RB1: variants seen among roughly 807,000 people sequenced by gnomAD.
RB1 encodes RB transcriptional corepressor 1.
Under a neutral mutation model 135.4 loss-of-function variants are expected in RB1, and 18 were observed. The observed-to-expected ratio is 0.13, with a 90% confidence interval of 0.09 to 0.20. The LOEUF is 0.20. RB1 is among the 10% of genes least tolerant of loss of function. The probability of loss-of-function intolerance (pLI) is 1.00; values close to 1 mark genes in which losing one functional copy is unlikely to be tolerated. For synonymous variants in RB1, 365 were observed against 373.2 expected (o/e 0.98, Z 0.25); for missense variants, 868 against 1,110.0 (o/e 0.78, Z 3.10).
In RB1 at chr13:48,360,067, C is replaced by T. The variant is rs367960214; in HGVS notation, c.658C>T (p.Leu220=). The change falls in exon 7 of 27, where the codon CTA becomes TTA. Residue 220 remains leucine (L), a synonymous_variant. Transcript: ENST00000267163. ...DDLVISFQLM[L]CVLDYFIKLS... is the part of the protein sequence containing the mutation. ...TCTGGTGATTTCATTTCAGTTAATG[C>T]TATGTGTCCTTGACTATTTTATTAA... The T allele has an allele frequency of 1.9e-5, 31 of 1,612,320 alleles. No individual in the cohort carries two copies. The highest frequency in any genetic ancestry group is 2.5e-5 in the Non-Finnish European group (30 of 1,179,208).
Position 48,465,280 on chromosome 13 carries a change from G to A in RB1, c.2401G>A (p.Gly801Arg), listed in dbSNP as rs2138345814. The A allele has an allele frequency of 7.4e-6, 12 of 1,612,138 alleles. No individual in the cohort carries two copies. The highest frequency in any genetic ancestry group is 1.3e-5 in the African/African-American group (1 of 74,956). ...TCCTAGTTCACCCTTACGGATTCCTGGAGGGAACATCTATATTTCACCCCT... is the reference window on the plus strand; with the variant it reads ...TCCTAGTTCACCCTTACGGATTCCTAGAGGGAACATCTATATTTCACCCCT... ...KFPSSPLRIPGGNIYISPLKS... is the reference protein window; with the variant it reads ...KFPSSPLRIPRGNIYISPLKS... Residue 801 changes from glycine to arginine, a missense_variant, in exon 23 of 27, where the codon GGA becomes AGA. Coordinates refer to ENST00000267163, the MANE Select transcript of RB1 (RefSeq NM_000321.3).
At chr13:48,338,570 G>C (rs992947860) in intron 2 of RB1, among the ~76,000 whole-genome samples, 3 of 152,030 alleles carry the variant, frequency 2.0e-5, no homozygotes, top group Non-Finnish European at 2.9e-5. Context: ...TATTCTAGTT[G>C]GCCAGTTGTC....
In RB1 at chr13:48,362,852, A is replaced by G. The variant is rs1469535414; in HGVS notation, c.756A>G (p.Thr252=). ...TACCCATTAATGGTTCACCTCGAAC[A>G]CCCAGGCGAGGTCAGAACAGGAGTG... is the stretch of plus-strand genomic sequence containing the variant. ...AVIPINGSPR[T]PRRGQNRSAR... The change falls in exon 8 of 27, where the codon ACA becomes ACG. Residue 252 remains threonine, a synonymous_variant. Transcript: ENST00000267163. 1 of 1,613,912 alleles carries G rather than the reference A, an allele frequency of 6.2e-7. No individual in the cohort carries two copies. Among genetic ancestry groups the G allele is most frequent in the Admixed American group, 1.7e-5 (1 of 60,016 alleles).
In RB1 at chr13:48,385,011, G is replaced by T. The variant is rs147709409; in HGVS notation, c.1695+3568G>T. Among the ~76,000 whole-genome samples, 206 of 152,272 alleles carry T rather than the reference G, an allele frequency of 1.4e-3. 1 individual carries two copies. Among genetic ancestry groups the T allele is most frequent in the African/African-American group, 4.8e-3 (199 of 41,552 alleles). ...TTGGCCCTATTAAATCTGTTAAGAG[G>T]TTTATAATGCCAGCAGGTGATGAAA... On this transcript the variant is annotated intron_variant, in intron 17 of 26. Transcript: ENST00000267163.
chr13:48,363,302 GCTCT>G (rs1952660870), intron 8 of RB1, among the ~76,000 whole-genome samples: 1 of 151,848 alleles, frequency 6.6e-6, no homozygotes. Context: ...TGTAATCCCA[GCTCT>G]TTGGGAGGCC....
At chr13:48,313,450 G>A (rs1198517769) in intron 2 of RB1, among the ~76,000 whole-genome samples, 2 of 150,606 alleles carry the variant, frequency 1.3e-5, no homozygotes, top group Admixed American at 1.3e-4. Context: ...CTAACCCAAG[G>A]TCATGAAGAC....
At chr13:48,381,513 T>G (rs145624377) in intron 17 of RB1, 70 bp downstream of exon 17, 2 of 1,428,588 alleles carry the variant, frequency 1.4e-6, no homozygotes, top group South Asian at 2.4e-5. Flanking sequence ...TAGTGAGAGG[T>G]GTTTCTTAAC....
chr13:48,328,126 A>G (rs2138065103), intron 2 of RB1: 1 of 1,068,316 alleles, frequency 9.4e-7, no homozygotes, highest in Middle Eastern at 2.0e-4. Flanking sequence ...TTTATATTCC[A>G]CTCCCATAGC....
intron 6 of RB1, among the ~76,000 whole-genome samples, chr13:48,354,570 A>G (rs1481248003): frequency 6.6e-6 from 1 of 152,198 alleles, no homozygotes; most frequent in South Asian, 2.1e-4. Flanking sequence ...TCTTCACAGA[A>G]ATAGAAAAAA....
chr13:48,459,579 A>T, intron 19 of RB1, 109 bp from the exon 20 acceptor site: 1 of 1,157,966 alleles, frequency 8.6e-7, no homozygotes, highest in Non-Finnish European at 1.3e-6. Flanking sequence ...GGTTTCTGTT[A>T]AAATGCTACT....
At chr13:48,449,677 T>C (rs1294428096) in intron 17 of RB1, among the ~76,000 whole-genome samples, 1 of 152,164 alleles carries the variant, frequency 6.6e-6, no homozygotes, top group Non-Finnish European at 1.5e-5. Context: ...TGAGCCATGA[T>C]TGTGCCACTG....
intron 17 of RB1, among the ~76,000 whole-genome samples, chr13:48,420,995 G>A (rs555236018): frequency 4.0e-4 from 61 of 151,922 alleles, no homozygotes; most frequent in Non-Finnish European, 7.9e-4. Context: ...TATCCCTATC[G>A]AGCTACCATT....
intron 2 of RB1, among the ~76,000 whole-genome samples, chr13:48,325,690 AT>A (rs11289184): frequency 0.56 from 84,103 of 150,908 alleles, 26,983 homozygotes; most frequent in Middle Eastern, 0.72. Context: ...CTTTTAGTGG[AT>A]TTTTTTTTTA....
intron 18 of RB1, among the ~76,000 whole-genome samples, chr13:48,455,190 A>T (rs1949352538): frequency 6.6e-6 from 1 of 152,346 alleles, no homozygotes; most frequent in South Asian, 2.1e-4. Context: ...AAATGGAGAA[A>T]TTAAAAATAA....
intron 17 of RB1, among the ~76,000 whole-genome samples, chr13:48,449,827 A>G (rs1409972758): frequency 1.3e-5 from 2 of 152,192 alleles, no homozygotes; most frequent in Non-Finnish European, 2.9e-5. Context: ...GTCTGCATTC[A>G]TTTGGCATCT....
chr13:48,411,168 A>G, intron 17 of RB1: 2 of 440,314 alleles, frequency 4.5e-6, no homozygotes, highest in Non-Finnish European at 8.2e-6. Flanking sequence ...TAATGAAGGA[A>G]CAAATCAAAA....
chr13:48,415,351 C>T (rs1250009232), intron 17 of RB1, among the ~76,000 whole-genome samples: 1 of 150,934 alleles, frequency 6.6e-6, no homozygotes, highest in Admixed American at 6.6e-5. Flanking sequence ...GCGATCTTGT[C>T]TTACTGCAAC....
At position 48,303,977 on chromosome 13, in the gene RB1, C is replaced by T. The variant is rs2138027521; in HGVS notation, c.65C>T (p.Ala22Val). ...TAAAAAAEPP[A>V]PPPPPPPEED... ...GCCGCTGCCGCCGCGGAACCCCCGGCACCGCCGCCGCCGCCCCCTCCTGAG... is the reference window on the plus strand; with the variant it reads ...GCCGCTGCCGCCGCGGAACCCCCGGTACCGCCGCCGCCGCCCCCTCCTGAG... The change falls in exon 1 of 27, where the codon GCA becomes GTA. Residue 22 changes from alanine (A) to valine (V), a missense_variant. Physicochemically the swap from Ala to Val is moderately conservative, Grantham distance 64. Transcript: ENST00000267163. 1 of 1,502,730 alleles carries T rather than the reference C, an allele frequency of 6.7e-7. No individual in the cohort carries two copies. The highest frequency in any genetic ancestry group is 1.2e-5 in the South Asian group (1 of 80,800). 93.1% of individuals were successfully genotyped at this position (1,502,730 alleles called of 1,614,324 possible). A position where few individuals can be genotyped will look rare whatever the true frequency, so the allele number is the denominator to read the frequency against.
At chr13:48,466,495 G>C (rs1462660422) in intron 23 of RB1, among the ~76,000 whole-genome samples, 1 of 151,418 alleles carries the variant, frequency 6.6e-6, no homozygotes, top group South Asian at 2.1e-4. Context: ...CTAAAACGCA[G>C]AGCGCCTCTC....
Sources: gnomAD v4.1 joint callset for allele counts (sites outside exome capture counted in the v4.1 genomes callset) on GRCh38, gnomAD v4.1.1 for gene constraint, MANE v1.5 for transcripts, NCBI Gene and HGNC (gene_info 2026-07-23, HGNC 2026-07-21) for gene names.